Variants in SPHKAP observed in about 807,000 individuals in gnomAD.
The protein encoded by SPHKAP is A-kinase anchor protein SPHKAP.
In SPHKAP, 67 loss-of-function variants were observed where a neutral mutation model predicts 137.5. The ratio of observed to expected loss-of-function variants is 0.49; its 90% CI spans 0.40 to 0.60. SPHKAP has a LOEUF of 0.60. Ranked by LOEUF, SPHKAP falls within the 20% of genes least tolerant of loss-of-function variation. The pLI is 0.00. For synonymous variants in SPHKAP, 813 were observed against 785.3 expected (o/e 1.04, Z -0.59); for missense variants, 2,097 against 2,069.3 (o/e 1.01, Z -0.26).
intron 2 of SPHKAP, among the ~76,000 whole-genome samples, chr2:228,118,228 T>G (rs1698779205): frequency 7.0e-6 from 1 of 142,496 alleles, no homozygotes; most frequent in Non-Finnish European, 1.5e-5. Flanking sequence ...TTCCATTCTG[T>G]GGAGATACAC....
At chr2:228,055,434 T>C (rs1265552530) in intron 3 of SPHKAP, among the ~76,000 whole-genome samples, 1 of 152,194 alleles carries the variant, frequency 6.6e-6, no homozygotes, top group African/African-American at 2.4e-5. Context: ...GGAAGGTTCA[T>C]TCCCAGGTCC....
At chr2:228,157,976 C>T (rs921488661) in intron 1 of SPHKAP, among the ~76,000 whole-genome samples, 9 of 152,266 alleles carry the variant, frequency 5.9e-5, no homozygotes, top group African/African-American at 1.7e-4. Flanking sequence ...ATGCATGAGA[C>T]CAATGTGGAA....
chr2:228,095,516 C>T (rs149101897), intron 3 of SPHKAP, among the ~76,000 whole-genome samples: 302 of 152,182 alleles, frequency 2.0e-3, no homozygotes, highest in Admixed American at 4.1e-3. Flanking sequence ...GGTGTGAGTT[C>T]AGTTCTACCA....
chr2:228,009,345 A>AT (rs1418059851), intron 7 of SPHKAP, among the ~76,000 whole-genome samples: 4 of 151,662 alleles, frequency 2.6e-5, no homozygotes, highest in African/African-American at 4.8e-5. Context: ...CCTTGATGTG[A>AT]TTTTCTTTCT....
chr2:228,072,777 A>C (rs1697044864), intron 3 of SPHKAP, among the ~76,000 whole-genome samples: 1 of 152,202 alleles, frequency 6.6e-6, no homozygotes, highest in African/African-American at 2.4e-5. Flanking sequence ...AGAGATGCCT[A>C]GGGATGCCCA....
chr2:228,098,879 T>C lies in SPHKAP; in HGVS notation c.246+9953A>G, dbSNP rs188958374. ...GCTTGTTTACTTTTTAATGTGGTTA[T>C]TTGTTTTTTGCTTTTTGATTTCTTT... On this transcript the variant is annotated intron_variant, in intron 3 of 11. Coordinates refer to ENST00000392056, the MANE Select transcript of SPHKAP (RefSeq NM_001142644.2). Among the ~76,000 whole-genome samples, 918 of 152,290 alleles carry C rather than the reference T, an allele frequency of 6.0e-3. 15 individuals are homozygous for C. Among genetic ancestry groups the C allele is most frequent in the African/African-American group, 0.021 (861 of 41,564 alleles).
intron 3 of SPHKAP, among the ~76,000 whole-genome samples, chr2:228,060,619 G>T (rs1291818567): frequency 6.6e-6 from 1 of 152,184 alleles, no homozygotes; most frequent in Non-Finnish European, 1.5e-5. Flanking sequence ...CTATGACTTA[G>T]TGATAGGAAA....
intron 2 of SPHKAP, among the ~76,000 whole-genome samples, chr2:228,126,693 C>CT (rs1205739371): frequency 2.0e-5 from 3 of 152,146 alleles, no homozygotes; most frequent in Non-Finnish European, 4.4e-5. Flanking sequence ...CATCCTAGCT[C>CT]TGGGGAAAGG....
intron 11 of SPHKAP, chr2:227,982,465 T>G: frequency 1.6e-6 from 1 of 614,976 alleles, no homozygotes; most frequent in African/African-American, 2.0e-5. Context: ...TGGTACCAGT[T>G]CTATTGGCCA....
At position 228,025,397 on chromosome 2, in the gene SPHKAP, T is replaced by C. The variant is rs1694996165; in HGVS notation, c.438A>G (p.Ser146=). 6.2e-7 allele frequency: 1 copy of C among 1,613,750 alleles called. No homozygotes were observed. The highest frequency in any genetic ancestry group is 2.2e-5 in the East Asian group (1 of 44,800). Residue 146 remains serine (S), a synonymous_variant, in exon 5 of 12, where the codon TCA becomes TCG. Transcript: ENST00000392056. ...SGNLQADFEV[S]QCPWLPDICL... ...TTATCAAGAACTTATGTCTTACCTG[T>C]GAAACTTCAAAATCTGCCTGGAGAT...
chr2:228,146,993 C>T (rs904850631), intron 1 of SPHKAP, among the ~76,000 whole-genome samples: 21 of 152,172 alleles, frequency 1.4e-4, no homozygotes, highest in African/African-American at 5.1e-4. Context: ...GGCACATTTG[C>T]ATTTTAGATT....
At chr2:228,140,563 G>A (rs1699574843) in intron 1 of SPHKAP, among the ~76,000 whole-genome samples, 1 of 152,076 alleles carries the variant, frequency 6.6e-6, no homozygotes, top group Non-Finnish European at 1.5e-5. Flanking sequence ...GTTTTATAGA[G>A]GAGAAACTGA....
chr2:228,018,695 G>A lies in SPHKAP; in HGVS notation c.2159C>T (p.Thr720Met), dbSNP rs779285113. Residue 720 changes from threonine to methionine, a missense_variant, in exon 7 of 12, where the codon ACG becomes ATG. By Grantham distance (81) the Thr-to-Met change is moderately conservative. Transcript: ENST00000392056. ...NQLLLDVICF[T>M]FKKMSHIVRL... is the part of the protein sequence containing the mutation. ...TACAATATGACTCATCTTCTTGAAC[G>A]TGAAGCATATCACATCTAAAAGCAG... The A allele has an allele frequency of 4.4e-5, 71 of 1,614,186 alleles. No homozygotes were observed. The highest frequency in any genetic ancestry group is 3.4e-4 in the South Asian group (31 of 91,088).
intron 1 of SPHKAP, among the ~76,000 whole-genome samples, chr2:228,140,047 T>G (rs1187628398): frequency 6.6e-5 from 10 of 151,798 alleles, no homozygotes; most frequent in Non-Finnish European, 1.5e-5. Context: ...TGGGTTCAAG[T>G]GATTCTCCTG....
chr2:228,170,418 A>G (rs1325334264), intron 1 of SPHKAP, among the ~76,000 whole-genome samples: 1 of 152,150 alleles, frequency 6.6e-6, no homozygotes, highest in Non-Finnish European at 1.5e-5. Flanking sequence ...CAAACAGCAT[A>G]GTATGCTACA....
intron 3 of SPHKAP, among the ~76,000 whole-genome samples, chr2:228,078,520 C>G (rs146833537): frequency 1.3e-5 from 2 of 151,622 alleles, no homozygotes; most frequent in African/African-American, 4.9e-5. Flanking sequence ...AGTGGTGTGA[C>G]TGTATCTCAA....
At chr2:228,074,162 A>T (rs1697097300) in intron 3 of SPHKAP, among the ~76,000 whole-genome samples, 1 of 152,260 alleles carries the variant, frequency 6.6e-6, no homozygotes, top group Non-Finnish European at 1.5e-5. Context: ...TAATTTAAAA[A>T]GAAGTGTTTG....
chr2:228,071,780 C>A (rs997822005), intron 3 of SPHKAP, among the ~76,000 whole-genome samples: 2 of 150,918 alleles, frequency 1.3e-5, no homozygotes, highest in East Asian at 1.9e-4. Flanking sequence ...ACATATCAAG[C>A]AATTCAACCT....
intron 3 of SPHKAP, among the ~76,000 whole-genome samples, chr2:228,093,907 G>A (rs1272474278): frequency 7.1e-6 from 1 of 141,596 alleles, no homozygotes; most frequent in African/African-American, 2.6e-5. Context: ...GGGACAAGAA[G>A]TAGATTAGCA....
Sources: gnomAD v4.1 joint callset for allele counts (sites outside exome capture counted in the v4.1 genomes callset) on GRCh38, gnomAD v4.1.1 for gene constraint, MANE v1.5 for transcripts, NCBI Gene and HGNC (gene_info 2026-07-23, HGNC 2026-07-21) for gene names.